The following CDH4 variants were observed in gnomAD, a reference collection of about 807,000 sequenced individuals.
CDH4 encodes the protein cadherin-4.
Under a neutral mutation model 86.0 loss-of-function variants are expected in CDH4, and 33 were observed. That is an observed-to-expected ratio of 0.38 (90% CI 0.29 to 0.51). The LOEUF is 0.51. Ranked by LOEUF, CDH4 falls within the 20% of genes least tolerant of loss-of-function variation. The pLI is 0.86. For synonymous variants in CDH4, 555 were observed against 549.4 expected, an observed-to-expected ratio of 1.01 and a Z score of -0.14; for missense variants, 1,114 against 1,307.4, an observed-to-expected ratio of 0.85 and a Z score of 2.28.
At chr20:61,624,648 C>T (rs2086811859) in intron 2 of CDH4, among the ~76,000 whole-genome samples, 1 of 152,224 alleles carries the variant, frequency 6.6e-6, no homozygotes. Context: ...GAGGAAAAGA[C>T]AAAGTCAACT....
chr20:61,926,736 G>A lies in CDH4; in HGVS notation c.1772-1454G>A, dbSNP rs149707941. Among the ~76,000 whole-genome samples, 745 of 152,330 alleles carry A rather than the reference G, an allele frequency of 4.9e-3. 3 individuals are homozygous for A. The highest frequency in any genetic ancestry group is 0.014 in the Middle Eastern group (4 of 294). ...AAAAATACAAAAATTAGCTAGGCAT[G>A]GTGGTGCACGCCTGTAATCCCAGCT... On this transcript the variant is annotated intron_variant, in intron 11 of 15. Transcript: ENST00000614565.
intron 6 of CDH4, among the ~76,000 whole-genome samples, chr20:61,861,976 A>G (rs1309348719): frequency 6.6e-6 from 1 of 152,204 alleles, no homozygotes; most frequent in Non-Finnish European, 1.5e-5. Flanking sequence ...CACCTGGGGA[A>G]AGGCAGGGAA....
intron 2 of CDH4, among the ~76,000 whole-genome samples, chr20:61,281,409 G>A (rs6028090): frequency 0.54 from 82,657 of 152,040 alleles, 22,703 homozygotes; most frequent in South Asian, 0.64. Flanking sequence ...GGCACCATCC[G>A]TGAACCAGGA....
chr20:61,425,685 C>A (rs985371933), intron 2 of CDH4, among the ~76,000 whole-genome samples: 1 of 152,212 alleles, frequency 6.6e-6, no homozygotes, highest in African/African-American at 2.4e-5. Context: ...GAGGGCCCTG[C>A]CCAGGGCAGG....
At chr20:61,802,886 C>G (rs2146034213) in intron 4 of CDH4, among the ~76,000 whole-genome samples, 1 of 152,338 alleles carries the variant, frequency 6.6e-6, no homozygotes, top group Admixed American at 6.5e-5. Flanking sequence ...TGGCTGCTGC[C>G]TTTTGCGGGA....
chr20:61,599,376 T>C (rs1179211411), intron 2 of CDH4, among the ~76,000 whole-genome samples: 1 of 152,170 alleles, frequency 6.6e-6, no homozygotes, highest in East Asian at 1.9e-4. Context: ...GACAGGCAAG[T>C]GTCAGGTGGC....
At chr20:61,640,314 G>A (rs1018894717) in intron 2 of CDH4, among the ~76,000 whole-genome samples, 5 of 152,238 alleles carry the variant, frequency 3.3e-5, no homozygotes, top group Admixed American at 1.3e-4. Flanking sequence ...GCTCACGGCC[G>A]ATGCAGTAGC....
intron 4 of CDH4, among the ~76,000 whole-genome samples, chr20:61,826,036 C>T (rs1057463535): frequency 3.3e-5 from 5 of 152,186 alleles, no homozygotes; most frequent in South Asian, 2.1e-4. Flanking sequence ...ATGTTATTGC[C>T]GCAGCCTCCT....
chr20:61,854,682 G>A (rs1165426986), intron 6 of CDH4, among the ~76,000 whole-genome samples: 208 of 129,412 alleles, frequency 1.6e-3, no homozygotes, highest in East Asian at 6.7e-3. Context: ...GGTGAATTGT[G>A]CCTTTGGCCC....
At chr20:61,628,727 G>A (rs1231884164) in intron 2 of CDH4, among the ~76,000 whole-genome samples, 3 of 152,196 alleles carry the variant, frequency 2.0e-5, no homozygotes, top group Admixed American at 6.5e-5. Context: ...CACTGACTTG[G>A]GATGTCACAC....
At chr20:61,404,841 G>C (rs2085071908) in intron 2 of CDH4, among the ~76,000 whole-genome samples, 1 of 151,972 alleles carries the variant, frequency 6.6e-6, no homozygotes, top group Admixed American at 6.6e-5. Context: ...ATAAGGTCAG[G>C]AGATCAAGAA....
At chr20:61,312,970 T>C (rs1365713760) in intron 2 of CDH4, among the ~76,000 whole-genome samples, 2 of 152,150 alleles carry the variant, frequency 1.3e-5, no homozygotes, top group Non-Finnish European at 2.9e-5. Flanking sequence ...ACCCCCTCAC[T>C]GCCTCCAGGG....
intron 2 of CDH4, among the ~76,000 whole-genome samples, chr20:61,444,393 G>T: frequency 6.6e-6 from 1 of 151,954 alleles, no homozygotes; most frequent in South Asian, 2.1e-4. Context: ...ATGTGTGTCT[G>T]TGTGTGTATT....
In CDH4 at chr20:61,468,309, G is replaced by T. The variant is rs143170610; in HGVS notation, c.169+213372G>T. ...ATGACATTCCAAGGACTTAGAAATG[G>T]CCTCTCCCAGGGCCAAAGGCAAGAG... On this transcript the variant is annotated intron_variant, in intron 2 of 15. Transcript: ENST00000614565. 5.9e-5 allele frequency among the ~76,000 whole-genome samples: 9 copies of T among 152,294 alleles called. No individual in the cohort carries two copies. In the South Asian group the frequency reaches 1.9e-3, roughly 32 times the overall value.
intron 2 of CDH4, among the ~76,000 whole-genome samples, chr20:61,399,673 C>T (rs1449637672): frequency 6.6e-6 from 1 of 152,346 alleles, no homozygotes; most frequent in African/African-American, 2.4e-5. Flanking sequence ...TGGCCACTCA[C>T]GTCCACCTGC....
At chr20:61,913,252 G>T (rs1173543192) in intron 9 of CDH4, among the ~76,000 whole-genome samples, 3 of 152,198 alleles carry the variant, frequency 2.0e-5, no homozygotes, top group Non-Finnish European at 4.4e-5. Context: ...AGAAAGGGCC[G>T]GTACCAAGGA....
chr20:61,921,835 C>G (rs1366924949), intron 9 of CDH4, among the ~76,000 whole-genome samples: 2 of 151,472 alleles, frequency 1.3e-5, no homozygotes, highest in Non-Finnish European at 2.9e-5. Context: ...GTGACCCTGA[C>G]CCCATTCCTT....
At chr20:61,792,040 G>T (rs1979231599) in intron 4 of CDH4, among the ~76,000 whole-genome samples, 1 of 152,188 alleles carries the variant, frequency 6.6e-6, no homozygotes, top group Admixed American at 6.5e-5. Flanking sequence ...TTGGCTGCCT[G>T]GTGGGGCTGG....
chr20:61,900,988 A>G (rs1985370080), intron 8 of CDH4, among the ~76,000 whole-genome samples: 1 of 152,226 alleles, frequency 6.6e-6, no homozygotes, highest in South Asian at 2.1e-4. Flanking sequence ...ATTGATAGCA[A>G]TTGTGTCCTT....
Sources: gnomAD v4.1 joint callset for allele counts (sites outside exome capture counted in the v4.1 genomes callset) on GRCh38, gnomAD v4.1.1 for gene constraint, MANE v1.5 for transcripts, NCBI Gene and HGNC (gene_info 2026-07-23, HGNC 2026-07-21) for gene names.